Variants in XRCC4 observed in about 807,000 individuals in gnomAD.
The protein encoded by XRCC4 is X-ray repair cross complementing 4.
In XRCC4, 28 loss-of-function variants were observed where a neutral mutation model predicts 39.1. The ratio of observed to expected loss-of-function variants is 0.72; its 90% confidence interval spans 0.53 to 0.98. The LOEUF (loss-of-function observed/expected upper bound fraction) is 0.98, where lower values mean the gene tolerates loss of function less well. XRCC4 is among the 50% of genes least tolerant of loss of function. The probability of loss-of-function intolerance (pLI) is 0.00; values close to 1 mark genes in which losing one functional copy is unlikely to be tolerated. For missense variants in XRCC4, 350 were observed against 376.4 expected (o/e 0.93, Z 0.58); for synonymous variants, 123 against 126.4 (o/e 0.97, Z 0.18).
Position 83,183,585 on chromosome 5 carries a change from T to G in XRCC4, c.316-12185T>G, listed in dbSNP as rs113329531. On this transcript the variant is annotated intron_variant, in intron 3 of 7. Transcript: ENST00000396027. Reference sequence around the variant, plus strand: ...ATTTGAGTATCCGCCAGTTTCTGTCTGCTTTTGGTGATTTTCCAGTCCCTT... The same window carrying G: ...ATTTGAGTATCCGCCAGTTTCTGTCGGCTTTTGGTGATTTTCCAGTCCCTT... Among the ~76,000 whole-genome samples, 227 of 152,256 alleles carry G rather than the reference T, an allele frequency of 1.5e-3. 1 individual carries two copies. Among genetic ancestry groups the G allele is most frequent in the African/African-American group, 5.4e-3 (225 of 41,550 alleles).
At chr5:83,193,979 G>T (rs1374087454) in intron 3 of XRCC4, among the ~76,000 whole-genome samples, 1 of 152,072 alleles carries the variant, frequency 6.6e-6, no homozygotes, top group Non-Finnish European at 1.5e-5. Context: ...TATCGCCCAG[G>T]CTGGAGTGCA....
intron 6 of XRCC4, among the ~76,000 whole-genome samples, chr5:83,241,884 G>A (rs1332367367): frequency 6.6e-6 from 1 of 152,014 alleles, no homozygotes; most frequent in Non-Finnish European, 1.5e-5. Context: ...TTAAGTGGAA[G>A]TGGATTCTCA....
intron 6 of XRCC4, among the ~76,000 whole-genome samples, chr5:83,243,644 G>T (rs1752993903): frequency 6.6e-6 from 1 of 152,176 alleles, no homozygotes; most frequent in Non-Finnish European, 1.5e-5. Flanking sequence ...CTTACCAACA[G>T]AAGAGGCACT....
At chr5:83,337,719 C>T (rs1756635283) in intron 7 of XRCC4, among the ~76,000 whole-genome samples, 1 of 152,164 alleles carries the variant, frequency 6.6e-6, no homozygotes, top group Admixed American at 6.6e-5. Flanking sequence ...ACAAGCATAA[C>T]AAAATGGTCT....
intron 3 of XRCC4, among the ~76,000 whole-genome samples, chr5:83,113,791 T>C (rs969887130): frequency 6.6e-6 from 1 of 152,074 alleles, no homozygotes; most frequent in Admixed American, 6.6e-5. Flanking sequence ...CATGCCCAGC[T>C]AATTTTTTGT....
At chr5:83,216,999 CT>C (rs1333668439) in intron 6 of XRCC4, among the ~76,000 whole-genome samples, 2 of 148,922 alleles carry the variant, frequency 1.3e-5, no homozygotes, top group African/African-American at 5.1e-5. Context: ...GAGTTTCTTT[CT>C]AAAAAAAAAA....
At chr5:83,159,679 G>A (rs1749116303) in intron 3 of XRCC4, among the ~76,000 whole-genome samples, 1 of 152,134 alleles carries the variant, frequency 6.6e-6, no homozygotes, top group African/African-American at 2.4e-5. Flanking sequence ...GATGGGAAAA[G>A]TAGAAATTCT....
chr5:83,097,472 GA>G lies in XRCC4; in HGVS notation c.-10-7432del, dbSNP rs199820101. On this transcript the variant is annotated intron_variant, in intron 1 of 7. Transcript: ENST00000396027. ...TAAATGATGGGTTTGTGAGTGGGGG[GA>G]AAAAAGTACATTGTTTATAAGTCTT... Among the ~76,000 whole-genome samples the G allele has an allele frequency of 8.1e-3, 1,225 of 151,724 alleles. 13 individuals are homozygous for G. Among genetic ancestry groups the G allele is most frequent in the African/African-American group, 0.027 (1,130 of 41,398 alleles).
At chr5:83,137,251 A>T (rs1225816677) in intron 3 of XRCC4, among the ~76,000 whole-genome samples, 1 of 152,160 alleles carries the variant, frequency 6.6e-6, no homozygotes, top group Non-Finnish European at 1.5e-5. Context: ...GGGATATTTT[A>T]TATATGAATG....
At chr5:83,309,280 A>T (rs1213825433) in intron 7 of XRCC4, among the ~76,000 whole-genome samples, 78 of 120,122 alleles carry the variant, frequency 6.5e-4, no homozygotes, top group African/African-American at 2.5e-3. Flanking sequence ...AAAAAAAAAA[A>T]AAAAAAAAAA....
intron 3 of XRCC4, among the ~76,000 whole-genome samples, chr5:83,142,023 A>G (rs577882314): frequency 6.6e-6 from 1 of 152,252 alleles, no homozygotes; most frequent in South Asian, 2.1e-4. Flanking sequence ...GTTTTCAGTT[A>G]CCTTCTTTTA....
intron 6 of XRCC4, among the ~76,000 whole-genome samples, chr5:83,217,384 C>T (rs916296696): frequency 3.6e-5 from 5 of 139,464 alleles, no homozygotes; most frequent in East Asian, 2.0e-4. Flanking sequence ...AAAACCATTG[C>T]GATAATTTGA....
the XRCC4 span, among the ~76,000 whole-genome samples, chr5:83,366,766 C>T: frequency 6.6e-6 from 1 of 152,056 alleles, no homozygotes; most frequent in Admixed American, 6.5e-5. Context: ...TTTGAACATG[C>T]TGTGTTTCCT....
At chr5:83,199,235 A>G (rs1268520860) in intron 4 of XRCC4, among the ~76,000 whole-genome samples, 1 of 152,170 alleles carries the variant, frequency 6.6e-6, no homozygotes, top group Non-Finnish European at 1.5e-5. Flanking sequence ...AGCCCGTTAC[A>G]GTGTTTAAGA....
At chr5:83,307,659 G>T (rs1755535318) in intron 7 of XRCC4, among the ~76,000 whole-genome samples, 1 of 152,166 alleles carries the variant, frequency 6.6e-6, no homozygotes, top group Admixed American at 6.5e-5. Context: ...CCCTGACAGA[G>T]AATGACAAAT....
At chr5:83,253,845 G>A (rs993627467) in intron 6 of XRCC4, among the ~76,000 whole-genome samples, 6 of 152,074 alleles carry the variant, frequency 3.9e-5, no homozygotes, top group Non-Finnish European at 8.8e-5. Context: ...AGAGTACCCA[G>A]GGAAGCTAAC....
At chr5:83,366,294 G>A in the XRCC4 span, among the ~76,000 whole-genome samples, 9 of 152,204 alleles carry the variant, frequency 5.9e-5, no homozygotes, top group African/African-American at 1.7e-4. Context: ...TCAGTTCATT[G>A]TAGATCCCCT....
In XRCC4 at chr5:83,149,397, G is replaced by A. The variant is rs567571853; in HGVS notation, c.315+38194G>A. The stretch of plus-strand genomic sequence containing the variant: ...TGAGATACAGGATATATATGTAATG[G>A]ATATTTCATTATGTGTTATACTTTT... On this transcript the variant is annotated intron_variant, in intron 3 of 7. Coordinates refer to ENST00000396027, the MANE Select transcript of XRCC4 (RefSeq NM_003401.5). 4.0e-5 allele frequency among the ~76,000 whole-genome samples: 6 copies of A among 151,654 alleles called. No homozygotes were observed. The East Asian group carries it at 1.2e-3, about 30-fold the overall frequency.
At chr5:83,342,623 T>C (rs1268192748) in intron 7 of XRCC4, among the ~76,000 whole-genome samples, 1 of 152,186 alleles carries the variant, frequency 6.6e-6, no homozygotes, top group Non-Finnish European at 1.5e-5. Flanking sequence ...TCTCTTTTTA[T>C]TTTCTAGGCC....
Sources: allele counts gnomAD v4.1 joint callset (sites outside exome capture counted in the v4.1 genomes callset), GRCh38; gene constraint gnomAD v4.1.1; transcripts MANE v1.5; gene names NCBI Gene and HGNC (gene_info 2026-07-23, HGNC 2026-07-21).